The following C10orf105 variants were observed in gnomAD, a reference collection of about 807,000 sequenced individuals.
C10orf105 encodes uncharacterized protein C10orf105.
A neutral mutation model predicts 0.6 loss-of-function variants in C10orf105; 2 were observed. The ratio of observed to expected loss-of-function variants is 3.18; its 90% CI spans 1.30 to 10.01. The LOEUF is 10.01. C10orf105 is among the 30% of genes most tolerant of loss of function. The probability of loss-of-function intolerance (pLI) is 0.04; values close to 1 mark genes in which losing one functional copy is unlikely to be tolerated. For synonymous variants in C10orf105, 95 were observed against 82.4 expected (o/e 1.15, Z -0.83); for missense variants, 209 against 191.4 (o/e 1.09, Z -0.54).
At chr10:71,731,867 G>A (rs897697048) in intron 1 of C10orf105, 3 of 993,916 alleles carry the variant, frequency 3.0e-6, no homozygotes, top group East Asian at 2.6e-5. Context: ...TGCCGGCAGA[G>A]GTGGGGCAGC....
Position 71,734,418 on chromosome 10 carries a change from C to T in C10orf105, c.-6+3310G>A, listed in dbSNP as rs1839496324. On this transcript the variant is annotated intron_variant, in intron 1 of 1. Coordinates refer to the C10orf105 transcript ENST00000398786. Reference sequence around the variant, plus strand: ...GACACTTCCTAACCCATGTCCTCGCCAGCCACCCAATGTATGGGCCAGGCA... The same window carrying T: ...GACACTTCCTAACCCATGTCCTCGCTAGCCACCCAATGTATGGGCCAGGCA... 4 of 1,505,800 alleles carry T rather than the reference C, an allele frequency of 2.7e-6. No homozygotes were observed. The African/African-American group carries it at 4.1e-5, about 16-fold the overall frequency. The allele number at this position is 1,505,800 out of a possible 1,614,324, so 93.3% of individuals were successfully genotyped here. A position where few individuals can be genotyped will look rare whatever the true frequency, so the allele number is the denominator to read the frequency against.
At chr10:71,718,920 G>A (rs1215338298) in intron 1 of C10orf105, among the ~76,000 whole-genome samples, 2 of 151,812 alleles carry the variant, frequency 1.3e-5, no homozygotes, top group Non-Finnish European at 2.9e-5. Flanking sequence ...AAAAAAAAAG[G>A]TTTTTTAATT....
intron 1 of C10orf105, chr10:71,725,589 G>A: frequency 1.3e-6 from 2 of 1,528,860 alleles, no homozygotes; most frequent in Non-Finnish European, 1.8e-6. Context: ...AACAGAGAAG[G>A]CCATTAGTTG....
chr10:71,725,517 C>T (rs1404779190), intron 1 of C10orf105: 2 of 1,612,616 alleles, frequency 1.2e-6, no homozygotes, highest in Non-Finnish European at 1.7e-6. Context: ...GGAGCTCCGT[C>T]AGGGTGAGGC....
At chr10:71,731,084 G>T (rs1420744988) in intron 1 of C10orf105, among the ~76,000 whole-genome samples, 3 of 152,260 alleles carry the variant, frequency 2.0e-5, no homozygotes, top group Non-Finnish European at 4.4e-5. Context: ...CCTGAAGGCA[G>T]CCTGAACCTT....
At chr10:71,735,084 C>A (rs1839521742) in intron 1 of C10orf105, among the ~76,000 whole-genome samples, 1 of 152,242 alleles carries the variant, frequency 6.6e-6, no homozygotes, top group African/African-American at 2.4e-5. Flanking sequence ...CAAGAGATTG[C>A]AGGCAGAAAG....
rs540884391 is a variant in C10orf105 at position 71,732,815 on chromosome 10, C to T, written c.-6+4913G>A. 84 of 588,698 alleles carry T rather than the reference C, an allele frequency of 1.4e-4. No individual in the cohort carries two copies. The African/African-American group carries it at 1.7e-3, about 12-fold the overall frequency. The allele number at this position is 588,698 out of a possible 1,614,324, so 36.5% of individuals were successfully genotyped here. On this transcript the variant is annotated intron_variant, in intron 1 of 1. Transcript: ENST00000398786. ...TCGAAGTGTGTGTGGGGTTTTCCCC[C>T]ATTATCGGCAACCAATTATCTGACT...
At chr10:71,723,325 A>G (rs1385303723), upstream of C10orf105, among the ~76,000 whole-genome samples, 1 of 152,108 alleles carries the variant, frequency 6.6e-6, no homozygotes, top group African/African-American at 2.4e-5. Flanking sequence ...GGGGTCAGCT[A>G]TGGTTCTGCC....
At chr10:71,732,382 GGC>G (rs1839421677) in intron 1 of C10orf105, 4 of 1,556,292 alleles carry the variant, frequency 2.6e-6, no homozygotes, top group Non-Finnish European at 3.5e-6. Flanking sequence ...CACGGTGAGG[GGC>G]TGGGGGCAGG....
chr10:71,722,264 G>C (rs1261817716), upstream of C10orf105, among the ~76,000 whole-genome samples: 1 of 152,170 alleles, frequency 6.6e-6, no homozygotes, highest in Non-Finnish European at 1.5e-5. Flanking sequence ...AATATAGCAA[G>C]ACCCTGTCTC....
upstream of C10orf105, among the ~76,000 whole-genome samples, chr10:71,721,046 A>G (rs542748549): frequency 3.9e-5 from 6 of 152,260 alleles, no homozygotes; most frequent in African/African-American, 1.4e-4. Flanking sequence ...CCTGAAACCA[A>G]CTGAACACTT....
intron 1 of C10orf105, chr10:71,730,487 G>A: frequency 6.2e-7 from 1 of 1,613,850 alleles, no homozygotes; most frequent in Middle Eastern, 1.7e-4. Flanking sequence ...GTACGTGGAG[G>A]ACATCAACGA....
chr10:71,725,467 C>T (rs752169977), intron 1 of C10orf105: 2 of 1,613,994 alleles, frequency 1.2e-6, no homozygotes, highest in East Asian at 2.2e-5. Flanking sequence ...ATCCCACGTG[C>T]TGATAGTGGA....
rs1158261849 is a variant in C10orf105, at chr10:71,714,035, G to A, written c.*1901C>T. ...TACTCTTACTGAAATCCTAGAGCCA[G>A]CGAGTTAATATAGGGCAGCCCTGAG... On this transcript the variant is annotated 3_prime_UTR_variant, in exon 2 of 2. Coordinates refer to ENST00000441508, the MANE Select transcript of C10orf105 (RefSeq NM_001164375.3). 2 of 152,178 alleles carry A rather than the reference G, an allele frequency of 1.3e-5. No homozygotes were observed. The allele number at this position is 152,178 out of a possible 1,614,324, so 9.4% of individuals were successfully genotyped here. A position where few individuals can be genotyped will look rare whatever the true frequency, so the allele number is the denominator to read the frequency against.
intron 1 of C10orf105, chr10:71,732,476 C>G (rs2132826876): frequency 6.7e-7 from 1 of 1,493,490 alleles, no homozygotes; most frequent in Non-Finnish European, 9.0e-7. Flanking sequence ...CATAAAATGT[C>G]CTTGAGATGG....
intron 1 of C10orf105, chr10:71,732,664 C>T: frequency 7.2e-7 from 1 of 1,381,966 alleles, no homozygotes; most frequent in Non-Finnish European, 9.4e-7. Flanking sequence ...TCCCCGAGAT[C>T]AATATCCCTG....
intron 1 of C10orf105, among the ~76,000 whole-genome samples, chr10:71,731,358 G>A (rs1336539874): frequency 6.6e-6 from 1 of 152,238 alleles, no homozygotes; most frequent in East Asian, 1.9e-4. Flanking sequence ...CATGGGATGG[G>A]GTGGAGGGAG....
chr10:71,734,209 GTCAC>G, intron 1 of C10orf105: 1 of 1,554,994 alleles, frequency 6.4e-7, no homozygotes, highest in East Asian at 2.3e-5. Context: ...GTGCGATGTT[GTCAC>G]TCACCCATCT....
Position 71,712,615 on chromosome 10 carries a change from G to A in C10orf105, c.*3321C>T, listed in dbSNP as rs1350851458. 1 of 1,602,766 alleles carries A rather than the reference G, an allele frequency of 6.2e-7. No individual in the cohort carries two copies. Among genetic ancestry groups the A allele is most frequent in the South Asian group, 1.1e-5 (1 of 90,074 alleles). ...GAGTGTGCAAAGTCACAGGAAGTGTGCCCCTCTCTCAGGCAGCTGCTAACA... is the reference window on the plus strand; with the variant it reads ...GAGTGTGCAAAGTCACAGGAAGTGTACCCCTCTCTCAGGCAGCTGCTAACA... On this transcript the variant is annotated 3_prime_UTR_variant, in exon 2 of 2. Coordinates refer to ENST00000441508, the MANE Select transcript of C10orf105 (RefSeq NM_001164375.3).
Sources: allele counts gnomAD v4.1 joint callset (sites outside exome capture counted in the v4.1 genomes callset), GRCh38; gene constraint gnomAD v4.1.1; transcripts MANE v1.5; gene names NCBI Gene and HGNC (gene_info 2026-07-23, HGNC 2026-07-21).